Variants in DPYSL3 observed in about 807,000 individuals in gnomAD.
DPYSL3 encodes dihydropyrimidinase like 3, also known as dihydropyrimidinase-related protein 3.
DPYSL3 carries 16 observed loss-of-function variants against 66.1 expected under a neutral mutation model. The ratio of observed to expected loss-of-function variants is 0.24; its 90% confidence interval spans 0.16 to 0.37. The LOEUF (loss-of-function observed/expected upper bound fraction) is 0.37, where lower values mean the gene tolerates loss of function less well. Ranked by LOEUF, DPYSL3 falls within the 10% of genes least tolerant of loss-of-function variation. DPYSL3 has a pLI of 1.00. For missense variants in DPYSL3, 738 were observed against 916.2 expected (o/e 0.81, Z 2.51); for synonymous variants, 338 against 345.1 (o/e 0.98, Z 0.23).
intron 1 of DPYSL3, among the ~76,000 whole-genome samples, chr5:147,455,302 G>C (rs1752827949): frequency 1.3e-5 from 2 of 152,204 alleles, no homozygotes; most frequent in Admixed American, 6.5e-5. Flanking sequence ...TCTCAAGTGA[G>C]TTAATCCAAG....
At chr5:147,415,228 T>C (rs1240961393) in intron 4 of DPYSL3, among the ~76,000 whole-genome samples, 1 of 152,150 alleles carries the variant, frequency 6.6e-6, no homozygotes, top group Non-Finnish European at 1.5e-5. Flanking sequence ...CTCCTAGAAA[T>C]GCCTTAGCCT....
intron 1 of DPYSL3, among the ~76,000 whole-genome samples, chr5:147,443,589 TC>T (rs1316712181): frequency 1.4e-5 from 2 of 147,328 alleles, no homozygotes; most frequent in East Asian, 3.9e-4. Flanking sequence ...TGCACATGTA[TC>T]CCGTTTTTTT....
intron 1 of DPYSL3, among the ~76,000 whole-genome samples, chr5:147,427,331 G>A (rs1752215971): frequency 6.6e-6 from 1 of 152,166 alleles, no homozygotes. Context: ...CTGGAACAAT[G>A]TATCTTTTGA....
chr5:147,469,827 C>T (rs1019589862), intron 1 of DPYSL3, among the ~76,000 whole-genome samples: 1 of 152,218 alleles, frequency 6.6e-6, no homozygotes, highest in Non-Finnish European at 1.5e-5. Flanking sequence ...CATCTAACTG[C>T]ATACAGGATG....
intron 1 of DPYSL3, among the ~76,000 whole-genome samples, chr5:147,459,832 C>T (rs1230247931): frequency 2.0e-5 from 3 of 152,114 alleles, no homozygotes; most frequent in Non-Finnish European, 2.9e-5. Context: ...TGCGAGAGGC[C>T]GGGTGCTGTG....
chr5:147,397,918 C>G lies in DPYSL3; in HGVS notation c.1624-73G>C. ...GGAACGTACCTTCTCTCCTTGAGAC[C>G]TTCAGTGTCATTTGCTGCTGATTCA... On this transcript the variant is annotated intron_variant, in intron 11 of 13. Coordinates refer to ENST00000343218, the MANE Select transcript of DPYSL3 (RefSeq NM_001197294.2). 2.9e-6 allele frequency: 4 copies of G among 1,395,054 alleles called. No homozygotes were observed. In the South Asian group the frequency reaches 6.3e-5, roughly 22 times the overall value. The allele number at this position is 1,395,054 out of a possible 1,614,324, so 86.4% of individuals were successfully genotyped here.
intron 8 of DPYSL3, among the ~76,000 whole-genome samples, chr5:147,405,238 C>A (rs1758297949): frequency 6.6e-6 from 1 of 152,148 alleles, no homozygotes; most frequent in Admixed American, 6.5e-5. Context: ...TTTGTTTAAG[C>A]CAGTTTGAGC....
At chr5:147,496,379 A>G (rs1330114718) in intron 1 of DPYSL3, among the ~76,000 whole-genome samples, 7 of 152,348 alleles carry the variant, frequency 4.6e-5, no homozygotes, top group African/African-American at 1.7e-4. Flanking sequence ...CAATGGCAAC[A>G]AAAGACAAAA....
chr5:147,419,379 G>C (rs150362085), intron 2 of DPYSL3, among the ~76,000 whole-genome samples: 12 of 152,316 alleles, frequency 7.9e-5, no homozygotes, highest in African/African-American at 2.2e-4. Flanking sequence ...GGAGGAATAG[G>C]GGGGAGACTC....
At chr5:147,478,371 A>C (rs1753191282) in intron 1 of DPYSL3, among the ~76,000 whole-genome samples, 1 of 152,220 alleles carries the variant, frequency 6.6e-6, no homozygotes, top group Admixed American at 6.5e-5. Flanking sequence ...TGCCTCAGTA[A>C]GAAAGAAGGA....
chr5:147,437,895 A>G (rs932136558), intron 1 of DPYSL3, among the ~76,000 whole-genome samples: 1 of 152,218 alleles, frequency 6.6e-6, no homozygotes, highest in African/African-American at 2.4e-5. Context: ...TTTAGAAGCT[A>G]GAATCTCCCT....
intron 2 of DPYSL3, among the ~76,000 whole-genome samples, chr5:147,424,370 G>A (rs978656207): frequency 3.3e-5 from 5 of 152,254 alleles, no homozygotes; most frequent in Middle Eastern, 3.4e-3. Flanking sequence ...ACCTGGCTGT[G>A]CCACTTACAG....
chr5:147,446,830 A>T (rs1238387633), intron 1 of DPYSL3, among the ~76,000 whole-genome samples: 1 of 152,232 alleles, frequency 6.6e-6, no homozygotes, highest in Non-Finnish European at 1.5e-5. Flanking sequence ...TAGTGATGTG[A>T]CAGGGTTGGC....
chr5:147,411,332 G>C (rs1751848897), intron 6 of DPYSL3, among the ~76,000 whole-genome samples: 1 of 152,154 alleles, frequency 6.6e-6, no homozygotes, highest in Non-Finnish European at 1.5e-5. Context: ...TGGAGAGTCT[G>C]AAATCACAAC....
chr5:147,415,988 G>T, intron 3 of DPYSL3, 115 bp from the exon 4 acceptor site: 1 of 1,222,902 alleles, frequency 8.2e-7, no homozygotes, highest in Non-Finnish European at 1.1e-6. Flanking sequence ...TCCTGAGCAT[G>T]GAATTAACTT....
intron 1 of DPYSL3, among the ~76,000 whole-genome samples, chr5:147,439,222 T>C (rs1752482777): frequency 6.6e-6 from 1 of 152,112 alleles, no homozygotes. Flanking sequence ...ACTAAATAAA[T>C]AGCGTAATTT....
chr5:147,480,196 A>G (rs890774417), intron 1 of DPYSL3, among the ~76,000 whole-genome samples: 2 of 152,192 alleles, frequency 1.3e-5, no homozygotes, highest in Admixed American at 6.5e-5. Flanking sequence ...TCCTGCCAGC[A>G]TCACTCCTGT....
intron 1 of DPYSL3, among the ~76,000 whole-genome samples, chr5:147,430,368 G>C (rs1402317798): frequency 6.6e-6 from 1 of 151,934 alleles, no homozygotes; most frequent in Non-Finnish European, 1.5e-5. Context: ...AAAATAGCCA[G>C]GCATCATGGC....
chr5:147,413,272 G>A (rs778546531), intron 5 of DPYSL3, among the ~76,000 whole-genome samples: 7 of 152,164 alleles, frequency 4.6e-5, no homozygotes, highest in Non-Finnish European at 7.3e-5. Flanking sequence ...TCCTGGTCCT[G>A]CAGGCGAAGA....
Sources: allele counts gnomAD v4.1 joint callset (sites outside exome capture counted in the v4.1 genomes callset), GRCh38; gene constraint gnomAD v4.1.1; transcripts MANE v1.5; gene names NCBI Gene and HGNC (gene_info 2026-07-23, HGNC 2026-07-21).